GABRD: variants seen among roughly 807,000 people sequenced by gnomAD.
GABRD encodes the protein gamma-aminobutyric acid receptor subunit delta.
Under a neutral mutation model 47.3 loss-of-function variants are expected in GABRD, and 25 were observed. That is an observed-to-expected ratio of 0.53 (90% CI 0.39 to 0.74). The LOEUF is 0.74. Among genes scored for constraint, GABRD ranks in the 30% least tolerant of loss-of-function variants. GABRD has a pLI of 0.00. For synonymous variants in GABRD, 314 were observed against 278.8 expected (o/e 1.13, Z -1.26); for missense variants, 497 against 643.4 (o/e 0.77, Z 2.46).
At chr1:2,024,885 G>C in intron 1 of GABRD, 57 bp from the exon 2 acceptor site, 1 of 1,301,848 alleles carries the variant, frequency 7.7e-7, no homozygotes, top group Non-Finnish European at 1.1e-6. Context: ...AGGGACCCAG[G>C]CTCAGTGGAA....
intron 1 of GABRD, among the ~76,000 whole-genome samples, chr1:2,020,168 C>T (rs1353837789): frequency 1.3e-5 from 2 of 152,184 alleles, no homozygotes; most frequent in African/African-American, 2.4e-5. Context: ...GAGAAGGAGG[C>T]CCCCCGGGGC....
intron 1 of GABRD, chr1:2,022,265 C>G (rs1173751918): frequency 6.6e-6 from 1 of 152,624 alleles, no homozygotes; most frequent in Admixed American, 6.5e-5. Flanking sequence ...ATCTGCCTCC[C>G]TTGTACATCC....
Position 2,030,482 on chromosome 1 carries a change from C to G in GABRD, c.*200C>G. 1 of 426,614 alleles carries G rather than the reference C, an allele frequency of 2.3e-6. No homozygotes were observed. The highest frequency in any genetic ancestry group is 4.1e-6 in the Non-Finnish European group (1 of 245,826). 26.4% of individuals were successfully genotyped at this position (426,614 alleles called of 1,614,324 possible). A position where few individuals can be genotyped will look rare whatever the true frequency, so the allele number is the denominator to read the frequency against. On this transcript the variant is annotated 3_prime_UTR_variant, in exon 9 of 9. Coordinates refer to ENST00000378585, the MANE Select transcript of GABRD (RefSeq NM_000815.5). ...TCACCCGAAAGGCCAGCCTGGGGCT[C>G]TCCGGCAGGCAGCCCGAGACCTGCA...
intron 5 of GABRD, chr1:2,027,918 A>C (rs927693014): frequency 3.3e-6 from 2 of 613,648 alleles, no homozygotes. Context: ...GAGCCAGTGC[A>C]GCAGCCCCTG....
rs1262593474 is a variant in GABRD at position 2,025,424 on chromosome 1, T to C, written c.249+23T>C. 3 of 1,612,644 alleles carry C rather than the reference T, an allele frequency of 1.9e-6. No homozygotes were observed. The South Asian group carries it at 3.3e-5, about 18-fold the overall frequency. ...ATGGTAGGTGCCACCAGCCTCTGCC[T>C]CAGGCACGGTGGGTGCCCACAGCCT... is the stretch of plus-strand genomic sequence containing the variant. On this transcript the variant is annotated intron_variant, in intron 3 of 8. Coordinates refer to ENST00000378585, the MANE Select transcript of GABRD (RefSeq NM_000815.5).
At chr1:2,025,131 T>G (rs1215479941) in intron 2 of GABRD, 77 bp downstream of exon 2, 1 of 1,373,620 alleles carries the variant, frequency 7.3e-7, no homozygotes, top group Non-Finnish European at 1.0e-6. Flanking sequence ...CCCACTGGGC[T>G]GTAGGCTGGC....
At position 2,026,333 on chromosome 1, in the gene GABRD, C is replaced by T. The variant is rs569418546; in HGVS notation, c.470+595C>T. 1.2e-4 allele frequency among the ~76,000 whole-genome samples: 19 copies of T among 152,338 alleles called. No individual in the cohort carries two copies. In the South Asian group the frequency reaches 3.3e-3, roughly 27 times the overall value. On this transcript the variant is annotated intron_variant, in intron 4 of 8. Coordinates refer to ENST00000378585, the MANE Select transcript of GABRD (RefSeq NM_000815.5). The stretch of plus-strand genomic sequence containing the variant: ...TCCCAGTGGAAGCCGGAGTCAGGGG[C>T]GCCTTCTTCTTCATGGCCTAGGCGA...
At chr1:2,027,541 A>AC in intron 4 of GABRD, 36 bp from the exon 5 acceptor site, 1 of 1,581,868 alleles carries the variant, frequency 6.3e-7, no homozygotes, top group Non-Finnish European at 8.7e-7. Flanking sequence ...GGCTGGCCTC[A>AC]CCCCCAAGGC....
Position 2,030,155 on chromosome 1 carries a change from G to T in GABRD, c.1232G>T (p.Gly411Val). 3.2e-6 allele frequency: 5 copies of T among 1,575,670 alleles called. No individual in the cohort carries two copies. In the South Asian group the frequency reaches 5.8e-5, roughly 18 times the overall value. Residue 411 changes from glycine to valine, a missense_variant, in exon 9 of 9, where the codon GGC (glycine) becomes GTC (valine). Gly to Val is a moderately radical substitution (Grantham distance 109). Transcript: ENST00000378585. ...AAGGAGGGGGCAGCCCGCTCAGGAG[G>T]CCAGGGGGGCATCCGTGCCCGGCTC... ...TKKEGAARSGGQGGIRARLRP... is the reference protein window; with the variant it reads ...TKKEGAARSGVQGGIRARLRP...
At chr1:2,020,460 G>A (rs556089155) in intron 1 of GABRD, among the ~76,000 whole-genome samples, 1 of 152,248 alleles carries the variant, frequency 6.6e-6, no homozygotes, top group East Asian at 1.9e-4. Context: ...ACCCAACACG[G>A]GGCGGTGTGT....
intron 4 of GABRD, 114 bp downstream of exon 4, chr1:2,025,852 C>T (rs1234632160): frequency 1.2e-5 from 11 of 891,854 alleles, no homozygotes; most frequent in Non-Finnish European, 1.7e-5. Flanking sequence ...CGGGAGCTGG[C>T]GGGCGGGCGG....
chr1:2,028,434 C>T lies in GABRD; in HGVS notation c.691+142C>T. ...GCTTTTTAGTCAAGCGCCCGCAGGCCCCCAGGGCCTCTGGGGATGCAGCTG... is the reference window on the plus strand; with the variant it reads ...GCTTTTTAGTCAAGCGCCCGCAGGCTCCCAGGGCCTCTGGGGATGCAGCTG... On this transcript the variant is annotated intron_variant, in intron 6 of 8. Transcript: ENST00000378585. This position sits in a 1 kb window ranked among gnomAD's most constrained non-coding sequence, Gnocchi z 6.4. The T allele has an allele frequency of 5.3e-6, 5 of 941,738 alleles. No homozygotes were observed. Among genetic ancestry groups the T allele is most frequent in the Non-Finnish European group, 7.1e-6 (5 of 702,508 alleles). 58.3% of individuals were successfully genotyped at this position (941,738 alleles called of 1,614,324 possible).
chr1:2,028,156 C>G lies in GABRD; in HGVS notation c.555C>G (p.Tyr185Ter). Residue 185 changes from tyrosine to a stop codon, truncating the protein, a stop_gained and splice_region_variant, in exon 6 of 9, where the codon TAC becomes TAG. Transcript: ENST00000378585. LOFTEE classifies it high-confidence loss of function. The surrounding 1 kb of genome is among the most constrained non-coding windows in gnomAD (Gnocchi z 6.4). ...CCCACCTGTGTGCTTTTCCTCCAGA[C>G]GGTTACTCATCGGAGGACATCGTCT... ...EQECMLDLES[Y>*]GYSSEDIVYY... is the part of the protein sequence containing the mutation. The G allele has an allele frequency of 1.9e-6, 3 of 1,608,996 alleles. No homozygotes were observed. Among genetic ancestry groups the G allele is most frequent in the Non-Finnish European group, 2.5e-6 (3 of 1,177,236 alleles).
rs962155693 is a variant in GABRD at position 2,029,281 on chromosome 1, C to T, written c.847+15C>T. 17 of 1,548,040 alleles carry T rather than the reference C, an allele frequency of 1.1e-5. No homozygotes were observed. The highest frequency in any genetic ancestry group is 4.9e-5 in the East Asian group (2 of 41,178). On this transcript the variant is annotated intron_variant, in intron 7 of 8. Transcript: ENST00000378585. ...GGTGTCTCTAGGTACGGGGCCTCGC[C>T]GCTGCTCCGAGGGAGCTGGAAGGGC... is the stretch of plus-strand genomic sequence containing the variant.
At position 2,028,109 on chromosome 1, in the gene GABRD, G is replaced by A. The variant is rs766747381; in HGVS notation, c.554-46G>A. ...ACGGAGCGCTCCTGCCAGGGCTCCC[G>A]GGGCAGGGCCGGGCTCTGCCGCCCA... On this transcript the variant is annotated intron_variant, in intron 5 of 8. Transcript: ENST00000378585. This position sits in a 1 kb window ranked among gnomAD's most constrained non-coding sequence, Gnocchi z 6.4. 25 of 1,584,334 alleles carry A rather than the reference G, an allele frequency of 1.6e-5. No homozygotes were observed. The highest frequency in any genetic ancestry group is 9.4e-5 in the African/African-American group (7 of 74,242).
chr1:2,021,838 C>T (rs1440872482), intron 1 of GABRD, among the ~76,000 whole-genome samples: 4 of 152,180 alleles, frequency 2.6e-5, no homozygotes, highest in East Asian at 3.9e-4. Flanking sequence ...GGGTGTGCGC[C>T]GTGGAGAAGC....
chr1:2,029,096 T>A lies in GABRD; in HGVS notation c.692-15T>A. On this transcript the variant is annotated splice_polypyrimidine_tract_variant and intron_variant, in intron 6 of 8. Transcript: ENST00000378585. ...TGGGCAGGGATGGGGGCACTGACGG[T>A]GGCTGTCCTGGCAGCTGGCCAGTTC... 6.5e-7 allele frequency: 1 copy of A among 1,539,230 alleles called. No individual in the cohort carries two copies. The highest frequency in any genetic ancestry group is 1.4e-5 in the African/African-American group (1 of 73,178).
chr1:2,025,045 G>C lies in GABRD; in HGVS notation c.172G>C (p.Gly58Arg). The part of the protein sequence containing the change: ...IAGYARNFRP[G>R]IGGPPVNVAL... ...CGGCTACGCCCGCAACTTCCGGCCTGGCATCGGAGGTGAGGGGCGGTCCAG... is the reference window on the plus strand; with the variant it reads ...CGGCTACGCCCGCAACTTCCGGCCTCGCATCGGAGGTGAGGGGCGGTCCAG... The change falls in exon 2 of 9, where the codon GGC becomes CGC. Residue 58 changes from glycine to arginine, a missense_variant. This residue lies in a region of GABRD where 91 missense variants were observed against 85.5 expected (regional missense o/e 1.06). Coordinates refer to ENST00000378585, the MANE Select transcript of GABRD (RefSeq NM_000815.5). The C allele has an allele frequency of 6.2e-7, 1 of 1,612,198 alleles. No homozygotes were observed. Among genetic ancestry groups the C allele is most frequent in the Non-Finnish European group, 8.5e-7 (1 of 1,179,414 alleles).
chr1:2,027,538 C>G, intron 4 of GABRD, 39 bp from the exon 5 acceptor site: 5 of 1,574,832 alleles, frequency 3.2e-6, no homozygotes, highest in Non-Finnish European at 3.5e-6. Flanking sequence ...GAGGGCTGGC[C>G]TCACCCCCAA....
Sources: gnomAD v4.1 joint callset for allele counts (sites outside exome capture counted in the v4.1 genomes callset) on GRCh38, gnomAD v4.1.1 for gene constraint, gnomAD v4.1.1 regional missense constraint, Gnocchi (gnomAD v3.1) non-coding constraint, MANE v1.5 for transcripts, NCBI Gene and HGNC (gene_info 2026-07-23, HGNC 2026-07-21) for gene names.